PTGER4: variants seen among roughly 807,000 people sequenced by gnomAD.
The protein encoded by PTGER4 is prostaglandin E receptor 4.
PTGER4 carries 11 observed loss-of-function variants against 33.2 expected under a neutral mutation model. The ratio of observed to expected loss-of-function variants is 0.33; its 90% CI spans 0.21 to 0.55. The LOEUF (loss-of-function observed/expected upper bound fraction) is 0.55, where lower values mean the gene tolerates loss of function less well. Among genes scored for constraint, PTGER4 ranks in the 20% least tolerant of loss-of-function variants. The pLI is 0.92. For missense variants in PTGER4, 481 were observed against 650.2 expected (o/e 0.74, Z 2.83); for synonymous variants, 275 against 281.5 (o/e 0.98, Z 0.23).
chr5:40,729,596 T>A, the PTGER4 span, among the ~76,000 whole-genome samples: 1 of 152,226 alleles, frequency 6.6e-6, no homozygotes, highest in African/African-American at 2.4e-5. Flanking sequence ...TCCTCATTTT[T>A]AAGAAAACTG....
At chr5:40,716,590 CAT>C in the PTGER4 span, 1 of 787,436 alleles carries the variant, frequency 1.3e-6, no homozygotes, top group Non-Finnish European at 2.1e-6. Flanking sequence ...ATACTGTACA[CAT>C]ACACATCCTA....
At chr5:40,739,110 G>A in the PTGER4 span, among the ~76,000 whole-genome samples, 1 of 152,154 alleles carries the variant, frequency 6.6e-6, no homozygotes, top group Non-Finnish European at 1.5e-5. Flanking sequence ...ATTGATCCAT[G>A]TATGTCTATC....
the PTGER4 span, among the ~76,000 whole-genome samples, chr5:40,726,070 C>T: frequency 6.6e-6 from 1 of 151,824 alleles, no homozygotes; most frequent in East Asian, 1.9e-4. Context: ...CAGACTTGAG[C>T]CACCGCGCCT....
chr5:40,729,083 A>C, the PTGER4 span, among the ~76,000 whole-genome samples: 1 of 152,178 alleles, frequency 6.6e-6, no homozygotes, highest in East Asian at 1.9e-4. Flanking sequence ...GACCATTAAC[A>C]CTTTAAAAGA....
chr5:40,721,686 A>ACAAAG, the PTGER4 span, among the ~76,000 whole-genome samples: 1 of 150,218 alleles, frequency 6.7e-6, no homozygotes, highest in Non-Finnish European at 1.5e-5. Flanking sequence ...AAAAACAAAA[A>ACAAAG]CAAAACAAAA....
At chr5:40,712,133 T>C in the PTGER4 span, among the ~76,000 whole-genome samples, 3 of 152,130 alleles carry the variant, frequency 2.0e-5, no homozygotes, top group Non-Finnish European at 4.4e-5. Context: ...TTCACATTCT[T>C]CCCTTCCAAT....
At chr5:40,740,908 C>T in the PTGER4 span, among the ~76,000 whole-genome samples, 3 of 152,160 alleles carry the variant, frequency 2.0e-5, no homozygotes, top group Non-Finnish European at 2.9e-5. Context: ...TTTCAGATAT[C>T]GTATTTTTCA....
the PTGER4 span, among the ~76,000 whole-genome samples, chr5:40,702,398 C>A: frequency 6.6e-6 from 1 of 151,836 alleles, no homozygotes; most frequent in Non-Finnish European, 1.5e-5. Context: ...AAACAGATTT[C>A]AAACCAAAAA....
the PTGER4 span, among the ~76,000 whole-genome samples, chr5:40,719,865 T>C: frequency 6.6e-6 from 1 of 152,238 alleles, no homozygotes; most frequent in South Asian, 2.1e-4. Context: ...TCAAATCCTT[T>C]GTCTATTTTT....
downstream of PTGER4, among the ~76,000 whole-genome samples, chr5:40,696,182 T>G (rs1003102516): frequency 2.0e-5 from 3 of 152,208 alleles, no homozygotes; most frequent in African/African-American, 7.2e-5. Flanking sequence ...CCTAGGGGCA[T>G]GAATACAAAA....
the PTGER4 span, among the ~76,000 whole-genome samples, chr5:40,722,239 G>A: frequency 7.9e-5 from 12 of 151,620 alleles, no homozygotes; most frequent in African/African-American, 2.9e-4. Context: ...TTGCCCAGGC[G>A]TGATCTCGGC....
At chr5:40,720,383 T>C in the PTGER4 span, among the ~76,000 whole-genome samples, 1 of 152,234 alleles carries the variant, frequency 6.6e-6, no homozygotes, top group African/African-American at 2.4e-5. Flanking sequence ...TACTTTCAGT[T>C]CTATCCCACT....
chr5:40,743,649 T>C, the PTGER4 span, among the ~76,000 whole-genome samples: 1 of 152,038 alleles, frequency 6.6e-6, no homozygotes, highest in Non-Finnish European at 1.5e-5. Flanking sequence ...GGCACACACT[T>C]GTAATCCCAG....
the PTGER4 span, chr5:40,728,591 C>A: frequency 2.9e-6 from 3 of 1,024,950 alleles, no homozygotes; most frequent in Non-Finnish European, 4.0e-6. Context: ...AATAGCATTT[C>A]GGTGATTTTT....
At chr5:40,704,759 G>A in the PTGER4 span, among the ~76,000 whole-genome samples, 1 of 152,142 alleles carries the variant, frequency 6.6e-6, no homozygotes, top group Non-Finnish European at 1.5e-5. Context: ...CAGGAATACA[G>A]CTAACCAGGG....
At position 40,693,275 on chromosome 5, in the gene PTGER4, A is replaced by T. The variant is rs1252248178; in HGVS notation, c.*897A>T. On this transcript the variant is annotated 3_prime_UTR_variant, in exon 3 of 3. Transcript: ENST00000302472. ...TAAAAACATAACATAAATTTTTTGA[A>T]GTCTTTAATAAATAACCCATAATTG... The T allele has an allele frequency of 8.2e-6, 8 of 976,250 alleles. No homozygotes were observed. The highest frequency in any genetic ancestry group is 9.7e-6 in the Non-Finnish European group (8 of 821,422). The allele number at this position is 976,250 out of a possible 1,614,324, so 60.5% of individuals were successfully genotyped here. A position where few individuals can be genotyped will look rare whatever the true frequency, so the allele number is the denominator to read the frequency against.
chr5:40,692,141 A>C lies in PTGER4; in HGVS notation c.1230A>C (p.Gly410=). 2 of 1,614,204 alleles carry C rather than the reference A, an allele frequency of 1.2e-6. No individual in the cohort carries two copies. Among genetic ancestry groups the C allele is most frequent in the South Asian group, 1.1e-5 (1 of 91,088 alleles). Residue 410 remains glycine, a synonymous_variant, in exon 3 of 3, where the codon GGA becomes GGC. Transcript: ENST00000302472. ...SLPDLSENGL[G]GRNLLPGVPG... is the part of the protein sequence containing the mutation. ...CAGACCTCAGTGAAAATGGCCTTGG[A>C]GGCAGGAATTTGCTTCCAGGTGTGC...
At chr5:40,746,724 T>C in the PTGER4 span, 1 of 1,082,234 alleles carries the variant, frequency 9.2e-7, no homozygotes, top group South Asian at 1.6e-5. Flanking sequence ...AATTCATAAC[T>C]CTTCATCCCA....
In PTGER4 at chr5:40,692,048, C is replaced by G; in HGVS notation, c.1137C>G (p.Ser379=). 6.2e-7 allele frequency: 1 copy of G among 1,614,238 alleles called. No homozygotes were observed. The highest frequency in any genetic ancestry group is 1.1e-5 in the South Asian group (1 of 91,084). The change falls in exon 3 of 3, where the codon TCC becomes TCG. Residue 379 remains serine, a synonymous_variant. Transcript: ENST00000302472. ...CTGCCATGTCAGGCCACTCTCGCTC[C>G]TTCATCTCCCGGGAGCTGAAGGAGA... ...TSSAMSGHSR[S]FISRELKEIS... is the part of the protein sequence containing the mutation.
Sources: allele counts gnomAD v4.1 joint callset (sites outside exome capture counted in the v4.1 genomes callset), GRCh38; gene constraint gnomAD v4.1.1; transcripts MANE v1.5; gene names NCBI Gene and HGNC (gene_info 2026-07-23, HGNC 2026-07-21).